ITCH: variants seen among roughly 807,000 people sequenced by gnomAD.
The protein encoded by ITCH is itchy E3 ubiquitin protein ligase.
A neutral mutation model predicts 126.8 loss-of-function variants in ITCH; 28 were observed. The ratio of observed to expected loss-of-function variants is 0.22; its 90% CI spans 0.16 to 0.30. The LOEUF is 0.30. ITCH is among the 10% of genes least tolerant of loss of function. The probability of loss-of-function intolerance (pLI) is 1.00; values close to 1 mark genes in which losing one functional copy is unlikely to be tolerated. For synonymous variants in ITCH, 342 were observed against 340.0 expected (o/e 1.01, Z -0.06); for missense variants, 631 against 1,032.4 (o/e 0.61, Z 5.33).
chr20:34,437,593 C>T (rs1983186851), intron 7 of ITCH, among the ~76,000 whole-genome samples: 1 of 152,198 alleles, frequency 6.6e-6, no homozygotes, highest in African/African-American at 2.4e-5. Flanking sequence ...AAGCGTGAGC[C>T]ACAGCACCCG....
intron 7 of ITCH, among the ~76,000 whole-genome samples, chr20:34,429,310 C>T (rs887025639): frequency 6.6e-6 from 1 of 152,082 alleles, no homozygotes; most frequent in Non-Finnish European, 1.5e-5. Flanking sequence ...TATAGATTTC[C>T]GGATTGATTT....
At chr20:34,412,392 A>T in intron 4 of ITCH, 123 bp from the exon 5 acceptor site, 1 of 706,174 alleles carries the variant, frequency 1.4e-6, no homozygotes, top group Non-Finnish European at 2.4e-6. Context: ...TATTGATTGT[A>T]TAGTAAACTG....
chr20:34,387,148 C>A (rs1214618845), intron 2 of ITCH, among the ~76,000 whole-genome samples: 2 of 151,054 alleles, frequency 1.3e-5, no homozygotes, highest in South Asian at 2.1e-4. Flanking sequence ...ACTAAAGATA[C>A]AAAAAAAATT....
At chr20:34,461,569 C>T (rs1212965801) in intron 13 of ITCH, among the ~76,000 whole-genome samples, 2 of 151,848 alleles carry the variant, frequency 1.3e-5, no homozygotes, top group Non-Finnish European at 2.9e-5. Context: ...ATTAGCTGGG[C>T]GTGGGCGTGG....
intron 23 of ITCH, among the ~76,000 whole-genome samples, chr20:34,502,989 G>A (rs747734442): frequency 6.6e-5 from 10 of 152,188 alleles, no homozygotes; most frequent in Non-Finnish European, 1.5e-4. Flanking sequence ...TCCAGCCAGG[G>A]TGACAGAGTG....
At position 34,480,589 on chromosome 20, in the gene ITCH, T is replaced by C; in HGVS notation, c.1819-10T>C. ...GTTATTTTAAGCGGTCTTGTTTCCT[T>C]TTTTCATAGGCTCTGTTCCATGGGA... On this transcript the variant is annotated splice_polypyrimidine_tract_variant and intron_variant, in intron 18 of 24. Coordinates refer to ENST00000374864, the MANE Select transcript of ITCH (RefSeq NM_031483.7). 6.2e-7 allele frequency: 1 copy of C among 1,613,624 alleles called. No individual in the cohort carries two copies. The highest frequency in any genetic ancestry group is 8.5e-7 in the Non-Finnish European group (1 of 1,179,680).
At position 34,445,457 on chromosome 20, in the gene ITCH, A is replaced by G; in HGVS notation, c.1136A>G (p.Tyr379Cys). 3 of 1,613,868 alleles carry G rather than the reference A, an allele frequency of 1.9e-6. No individual in the cohort carries two copies. Among genetic ancestry groups the G allele is most frequent in the African/African-American group, 1.3e-5 (1 of 75,054 alleles). ...CAGCAGTTTAACCAGAGATTCATTT[A>G]TGGGGTGAGCAGCCTGTTGTTTAAT... Reference protein sequence around the residue: ...AMQQFNQRFIYGNQDLFATSQ... With the variant: ...AMQQFNQRFICGNQDLFATSQ... Residue 379 changes from tyrosine (Y) to cysteine (C), a missense_variant, in exon 11 of 25, where the codon TAT becomes TGT. By Grantham distance (194) the Tyr-to-Cys change is radical (BLOSUM62 -2). Coordinates refer to ENST00000374864, the MANE Select transcript of ITCH (RefSeq NM_031483.7).
intron 14 of ITCH, among the ~76,000 whole-genome samples, chr20:34,464,440 CTT>C (rs1986851093): frequency 6.6e-6 from 1 of 151,670 alleles, no homozygotes; most frequent in Non-Finnish European, 1.5e-5. Flanking sequence ...TATTCTCCTG[CTT>C]CAGCCTCCCG....
intron 16 of ITCH, among the ~76,000 whole-genome samples, chr20:34,475,131 T>C (rs2146441899): frequency 6.9e-6 from 1 of 145,938 alleles, no homozygotes; most frequent in Non-Finnish European, 1.5e-5. Flanking sequence ...CACTCCTAGA[T>C]GGGATGGCGG....
chr20:34,436,105 T>A (rs546002185), intron 7 of ITCH, among the ~76,000 whole-genome samples: 4 of 152,168 alleles, frequency 2.6e-5, no homozygotes, highest in Non-Finnish European at 4.4e-5. Context: ...CAGCAACAAA[T>A]CATAGCATTT....
At chr20:34,458,898 T>C (rs893577875) in intron 13 of ITCH, among the ~76,000 whole-genome samples, 3 of 152,212 alleles carry the variant, frequency 2.0e-5, no homozygotes, top group Admixed American at 6.5e-5. Flanking sequence ...GGCCAGGATA[T>C]AAACGTGCAT....
intron 3 of ITCH, among the ~76,000 whole-genome samples, chr20:34,405,105 A>G (rs1296161952): frequency 7.8e-6 from 1 of 128,684 alleles, no homozygotes; most frequent in Non-Finnish European, 1.6e-5. Context: ...TTGTGCCACT[A>G]TTCTCCAGCC....
rs1479686476 is a variant in ITCH, at chr20:34,363,339, C to G, written c.-109C>G. ...CTAGGGACTGAGGAGTCGCCGCCGC[C>G]CCGAGTCCCGGTAAACCCCCGTGGG... is the stretch of plus-strand genomic sequence containing the variant. On this transcript the variant is annotated 5_prime_UTR_variant, in exon 1 of 25. Transcript: ENST00000374864. The G allele has an allele frequency of 6.6e-6, 1 of 152,512 alleles. No individual in the cohort carries two copies. The highest frequency in any genetic ancestry group is 1.5e-5 in the Non-Finnish European group (1 of 68,084). The allele number at this position is 152,512 out of a possible 1,614,324, so 9.4% of individuals were successfully genotyped here.
At chr20:34,400,427 A>G (rs2038834128) in intron 3 of ITCH, among the ~76,000 whole-genome samples, 1 of 152,130 alleles carries the variant, frequency 6.6e-6, no homozygotes, top group African/African-American at 2.4e-5. Flanking sequence ...AGACAGCATG[A>G]GCAAGACACA....
At chr20:34,422,756 T>C (rs1020108382) in intron 6 of ITCH, among the ~76,000 whole-genome samples, 6 of 152,146 alleles carry the variant, frequency 3.9e-5, no homozygotes, top group African/African-American at 1.4e-4. Flanking sequence ...TTACAGGAGC[T>C]TCCCTTCTCA....
chr20:34,438,164 C>T (rs77647374), intron 7 of ITCH, among the ~76,000 whole-genome samples: 124 of 152,270 alleles, frequency 8.1e-4, no homozygotes, highest in African/African-American at 2.7e-3. Context: ...TGACTTTGTT[C>T]CTGTTCATAT....
intron 23 of ITCH, among the ~76,000 whole-genome samples, chr20:34,503,938 G>A (rs1990457440): frequency 7.4e-6 from 1 of 135,920 alleles, no homozygotes; most frequent in Admixed American, 8.0e-5. Context: ...CGAGAGTGTA[G>A]TGGCGCAATC....
At chr20:34,454,625 T>TTCTG (rs976649775) in intron 12 of ITCH, 34 of 152,278 alleles carry the variant, frequency 2.2e-4, no homozygotes, top group African/African-American at 7.2e-4. Flanking sequence ...AGCAGGTTTG[T>TTCTG]GATACTCACT....
intron 11 of ITCH, 118 bp from the exon 12 acceptor site, chr20:34,449,290 CTTT>C: frequency 1.5e-6 from 1 of 653,246 alleles, no homozygotes; most frequent in Non-Finnish European, 2.7e-6. Context: ...TGTGACACTT[CTTT>C]AAGATACAAA....
Sources: gnomAD v4.1 joint callset for allele counts (sites outside exome capture counted in the v4.1 genomes callset) on GRCh38, gnomAD v4.1.1 for gene constraint, MANE v1.5 for transcripts, NCBI Gene and HGNC (gene_info 2026-07-23, HGNC 2026-07-21) for gene names.